SLAIN2: variants seen among roughly 807,000 people sequenced by gnomAD.
The protein encoded by SLAIN2 is SLAIN family member 2, also known as SLAIN motif-containing protein 2.
In SLAIN2, 31 loss-of-function variants were observed where a neutral mutation model predicts 56.6. The observed-to-expected ratio is 0.55, with a 90% confidence interval of 0.41 to 0.74. The LOEUF is 0.74. Ranked by LOEUF, SLAIN2 falls within the 30% of genes least tolerant of loss-of-function variation. SLAIN2 has a pLI of 0.00. For missense variants in SLAIN2, 777 were observed against 754.2 expected (o/e 1.03, Z -0.35); for synonymous variants, 317 against 284.9 (o/e 1.11, Z -1.13).
intron 6 of SLAIN2, among the ~76,000 whole-genome samples, chr4:48,409,885 AAAT>A (rs769339482): frequency 5.3e-5 from 8 of 151,606 alleles, no homozygotes; most frequent in Non-Finnish European, 1.0e-4. Flanking sequence ...CTCCATCTCA[AAAT>A]AATAATAATA....
At position 48,393,975 on chromosome 4, in the gene SLAIN2, C is replaced by T. The variant is rs568529022; in HGVS notation, c.1360+10191C>T. Reference sequence around the variant, plus strand: ...ACCCACACCAGCATTACATAGCATGCTCCCCACTTGCATACGTATGTGCAC... The same window carrying T: ...ACCCACACCAGCATTACATAGCATGTTCCCCACTTGCATACGTATGTGCAC... On this transcript the variant is annotated intron_variant, in intron 6 of 7. Transcript: ENST00000264313. Among the ~76,000 whole-genome samples the T allele has an allele frequency of 1.4e-4, 22 of 152,292 alleles. No individual in the cohort carries two copies. In the East Asian group the frequency reaches 3.7e-3, roughly 25 times the overall value.
chr4:48,399,958 T>C (rs528305241), intron 6 of SLAIN2, among the ~76,000 whole-genome samples: 2 of 152,192 alleles, frequency 1.3e-5, no homozygotes, highest in South Asian at 4.1e-4. Flanking sequence ...ATTGGCCTGA[T>C]GTTTTCTTTT....
At chr4:48,385,396 A>G (rs533655521) in intron 6 of SLAIN2, among the ~76,000 whole-genome samples, 2 of 152,188 alleles carry the variant, frequency 1.3e-5, no homozygotes, top group African/African-American at 4.8e-5. Flanking sequence ...CCTTGTAGGG[A>G]CACAAGGGAT....
At chr4:48,384,254 A>G (rs1716044699) in intron 6 of SLAIN2, among the ~76,000 whole-genome samples, 1 of 152,214 alleles carries the variant, frequency 6.6e-6, no homozygotes. Context: ...GCAATATATT[A>G]AATCTGTTAT....
intron 6 of SLAIN2, among the ~76,000 whole-genome samples, chr4:48,393,154 C>T (rs1716278351): frequency 6.6e-6 from 1 of 151,990 alleles, no homozygotes; most frequent in African/African-American, 2.4e-5. Context: ...GGGCAGATCA[C>T]TTGAGGTCAA....
Position 48,425,626 on chromosome 4 carries a change from GT to G in SLAIN2, c.*3556del, listed in dbSNP as rs1250855804. Reference sequence around the variant, plus strand: ...TGAGAGGGAAAAAAGACACCCTTCTGTTTTTTTCTCTCAAGCCAGTCTAAAA... The same window carrying G: ...TGAGAGGGAAAAAAGACACCCTTCTGTTTTTTCTCTCAAGCCAGTCTAAAA... On this transcript the variant is annotated 3_prime_UTR_variant, in exon 8 of 8. Coordinates refer to ENST00000264313, the MANE Select transcript of SLAIN2 (RefSeq NM_020846.2). The G allele has an allele frequency of 6.6e-6, 1 of 151,930 alleles. No homozygotes were observed. The highest frequency in any genetic ancestry group is 2.4e-5 in the African/African-American group (1 of 41,378). The allele number at this position is 151,930 out of a possible 1,614,324, so 9.4% of individuals were successfully genotyped here.
chr4:48,421,895 G>A (rs1717164245), intron 7 of SLAIN2, 116 bp from the exon 8 acceptor site: 1 of 788,160 alleles, frequency 1.3e-6, no homozygotes, highest in Admixed American at 2.2e-5. Flanking sequence ...GACTTGGTAC[G>A]GCCTTCATGG....
chr4:48,350,647 A>G (rs999826912), intron 1 of SLAIN2, among the ~76,000 whole-genome samples: 2 of 152,152 alleles, frequency 1.3e-5, no homozygotes, highest in Non-Finnish European at 2.9e-5. Context: ...CACCTCTTTC[A>G]TTTACTCAAA....
At chr4:48,351,658 A>T (rs1232606227) in intron 1 of SLAIN2, among the ~76,000 whole-genome samples, 1 of 152,236 alleles carries the variant, frequency 6.6e-6, no homozygotes, top group Non-Finnish European at 1.5e-5. Context: ...GTGAGGTGTA[A>T]TAATCTAGTT....
intron 1 of SLAIN2, among the ~76,000 whole-genome samples, chr4:48,355,927 G>T (rs1715143666): frequency 6.6e-6 from 1 of 152,034 alleles, no homozygotes; most frequent in Admixed American, 6.6e-5. Flanking sequence ...ATTCTGAGAT[G>T]ACAATTTTTT....
intron 6 of SLAIN2, among the ~76,000 whole-genome samples, chr4:48,400,629 T>C (rs1428972386): frequency 1.3e-5 from 2 of 152,154 alleles, no homozygotes; most frequent in East Asian, 3.8e-4. Context: ...CTTGAACTCC[T>C]GTCCTCAAGT....
intron 1 of SLAIN2, among the ~76,000 whole-genome samples, chr4:48,347,784 A>AGTT (rs1453846413): frequency 1.3e-5 from 2 of 152,210 alleles, no homozygotes; most frequent in African/African-American, 2.4e-5. Flanking sequence ...CATGGACGCC[A>AGTT]GCCCCTGGCA....
chr4:48,422,300 ATCAC>A lies in SLAIN2; in HGVS notation c.*225_*228del. On this transcript the variant is annotated 3_prime_UTR_variant, in exon 8 of 8. Transcript: ENST00000264313. ...TAATCATACAATCACTCTCCATAGA[ATCAC>A]TTTTAGTTTTGTTTAATAGAAACTA... is the stretch of plus-strand genomic sequence containing the variant. 1 of 434,614 alleles carries A rather than the reference ATCAC, an allele frequency of 2.3e-6. No homozygotes were observed. The highest frequency in any genetic ancestry group is 4.1e-6 in the Non-Finnish European group (1 of 242,302). 26.9% of individuals were successfully genotyped at this position (434,614 alleles called of 1,614,324 possible).
At position 48,422,263 on chromosome 4, in the gene SLAIN2, A is replaced by T. The variant is rs769874345; in HGVS notation, c.*186A>T. On this transcript the variant is annotated 3_prime_UTR_variant, in exon 8 of 8. Coordinates refer to ENST00000264313, the MANE Select transcript of SLAIN2 (RefSeq NM_020846.2). ...CAGCACTTTAATGACATTTAACATC[A>T]GATGTGTTTGGTAATCATACAATCA... 10 of 549,444 alleles carry T rather than the reference A, an allele frequency of 1.8e-5. No individual in the cohort carries two copies. Among genetic ancestry groups the T allele is most frequent in the Non-Finnish European group, 2.9e-5 (9 of 306,836 alleles). The allele number at this position is 549,444 out of a possible 1,614,324, so 34.0% of individuals were successfully genotyped here.
At chr4:48,357,068 A>G (rs988069342) in intron 1 of SLAIN2, among the ~76,000 whole-genome samples, 2 of 151,382 alleles carry the variant, frequency 1.3e-5, no homozygotes, top group African/African-American at 4.8e-5. Flanking sequence ...AATTATTAGT[A>G]TTATTGATAA....
intron 2 of SLAIN2, among the ~76,000 whole-genome samples, chr4:48,373,347 C>G (rs923900061): frequency 1.3e-5 from 2 of 152,122 alleles, no homozygotes; most frequent in African/African-American, 4.8e-5. Flanking sequence ...CCTTTGCTTC[C>G]TCTCTGCCTG....
intron 1 of SLAIN2, among the ~76,000 whole-genome samples, chr4:48,368,302 C>T (rs1241807110): frequency 6.6e-6 from 1 of 151,982 alleles, no homozygotes; most frequent in Non-Finnish European, 1.5e-5. Context: ...CTCAGGTGAT[C>T]CACCTGCCTT....
Position 48,342,869 on chromosome 4 carries a change from G to A in SLAIN2, c.389+741G>A, listed in dbSNP as rs188605807. Among the ~76,000 whole-genome samples, 366 of 152,044 alleles carry A rather than the reference G, an allele frequency of 2.4e-3. 2 individuals carry two copies. Among genetic ancestry groups the A allele is most frequent in the Non-Finnish European group, 3.7e-3 (249 of 67,980 alleles). On this transcript the variant is annotated intron_variant, in intron 1 of 7. Coordinates refer to ENST00000264313, the MANE Select transcript of SLAIN2 (RefSeq NM_020846.2). ...CATCTTTCATTTCCACGTCCTTCTA[G>A]GGGCAGAGAAAAAGAGTCCTATTTA...
chr4:48,378,135 T>C (rs1426474597), intron 3 of SLAIN2, 75 bp downstream of exon 3: 5 of 1,464,750 alleles, frequency 3.4e-6, no homozygotes, highest in Admixed American at 2.2e-5. Flanking sequence ...ATAACATTCA[T>C]CTGCAGTTCG....
Sources: allele counts gnomAD v4.1 joint callset (sites outside exome capture counted in the v4.1 genomes callset), GRCh38; gene constraint gnomAD v4.1.1; transcripts MANE v1.5; gene names NCBI Gene and HGNC (gene_info 2026-07-23, HGNC 2026-07-21).